The following PCDHA12 variants were observed in gnomAD, a reference collection of about 807,000 sequenced individuals.
PCDHA12 encodes protocadherin alpha-12.
PCDHA12 carries 44 observed loss-of-function variants against 60.0 expected under a neutral mutation model. That is an observed-to-expected ratio of 0.73 (90% CI 0.58 to 0.94). The LOEUF (loss-of-function observed/expected upper bound fraction) is 0.94. PCDHA12 is among the 40% of genes least tolerant of loss of function. PCDHA12 has a pLI of 0.00. For missense variants in PCDHA12, 1,276 were observed against 1,239.7 expected (o/e 1.03, Z -0.44); for synonymous variants, 569 against 553.0 (o/e 1.03, Z -0.40).
chr5:140,964,930 G>A (rs1480159584), intron 1 of PCDHA12, among the ~76,000 whole-genome samples: 12 of 152,306 alleles, frequency 7.9e-5, no homozygotes, highest in Middle Eastern at 3.4e-3. Flanking sequence ...CTAGGTAGTG[G>A]AGCATTGATA....
At chr5:140,915,266 C>T (rs1554196835) in intron 1 of PCDHA12, among the ~76,000 whole-genome samples, 1 of 151,940 alleles carries the variant, frequency 6.6e-6, no homozygotes, top group Non-Finnish European at 1.5e-5. Context: ...TTATTTTTGA[C>T]CAGTTCATCA....
chr5:140,944,097 A>G lies in PCDHA12; in HGVS notation c.2368-34852A>G, dbSNP rs2093609741. On this transcript the variant is annotated intron_variant, in intron 1 of 3. Coordinates refer to ENST00000398631, the MANE Select transcript of PCDHA12 (RefSeq NM_018903.4). ...ATAAAGGAGGCCTGAGTAAGTTTAT[A>G]TCTCATGGGAAAATGGTACCAGAGA... is the stretch of plus-strand genomic sequence containing the variant. Among the ~76,000 whole-genome samples, 3 of 152,244 alleles carry G rather than the reference A, an allele frequency of 2.0e-5. No individual in the cohort carries two copies. In the South Asian group the frequency reaches 6.2e-4, roughly 31 times the overall value.
At position 140,943,102 on chromosome 5, in the gene PCDHA12, A is replaced by G. The variant is rs142380810; in HGVS notation, c.2368-35847A>G. 2.6e-3 allele frequency among the ~76,000 whole-genome samples: 391 copies of G among 151,972 alleles called. 4 individuals are homozygous for G. In the East Asian group the frequency reaches 0.045, roughly 17 times the overall value. ...TGAAATCCTGCCTCTACTAAAAAAT[A>G]CAAAAATTAGCCAGGTGTGGTAGTG... On this transcript the variant is annotated intron_variant, in intron 1 of 3. Transcript: ENST00000398631.
chr5:140,967,828 C>T (rs2096188201), intron 1 of PCDHA12: 2 of 1,614,028 alleles, frequency 1.2e-6, no homozygotes, highest in Non-Finnish European at 1.7e-6. Flanking sequence ...TGCTGGTGGA[C>T]ATCGTGGACG....
In PCDHA12 at chr5:140,946,774, T is replaced by G. The variant is rs57013515; in HGVS notation, c.2368-32175T>G. On this transcript the variant is annotated intron_variant, in intron 1 of 3. Coordinates refer to ENST00000398631, the MANE Select transcript of PCDHA12 (RefSeq NM_018903.4). ...TGCATGATCTCATTCATGTGGAATGTAAAAAAGCTGATCTTATAGAAGCAG... is the reference window on the plus strand; with the variant it reads ...TGCATGATCTCATTCATGTGGAATGGAAAAAAGCTGATCTTATAGAAGCAG... Among the ~76,000 whole-genome samples, 481 of 151,404 alleles carry G rather than the reference T, an allele frequency of 3.2e-3. 2 individuals are homozygous for G. Among genetic ancestry groups the G allele is most frequent in the African/African-American group, 0.011 (462 of 41,264 alleles).
chr5:140,897,999 G>A (rs1411789620), intron 1 of PCDHA12, among the ~76,000 whole-genome samples: 3 of 152,142 alleles, frequency 2.0e-5, no homozygotes, highest in East Asian at 1.9e-4. Context: ...TTTGAGAAGT[G>A]TCTGTTCATA....
At chr5:140,977,591 A>T (rs1267599253) in intron 1 of PCDHA12, among the ~76,000 whole-genome samples, 2 of 152,164 alleles carry the variant, frequency 1.3e-5, no homozygotes, top group African/African-American at 4.8e-5. Context: ...AGCAGTTAGC[A>T]TGTGAGGACC....
Position 140,875,828 on chromosome 5 carries a change from T to C in PCDHA12, c.356T>C (p.Val119Ala). The C allele has an allele frequency of 6.2e-7, 1 of 1,614,196 alleles. No homozygotes were observed. The highest frequency in any genetic ancestry group is 1.3e-5 in the African/African-American group (1 of 75,046). The change falls in exon 1 of 4, where the codon GTG (valine) becomes GCG (alanine). Residue 119 changes from valine to alanine, a missense_variant. Transcript: ENST00000398631. ...GACAGGCCGCTGCAGGTTTTCCATGTGGACGTGGAGGTGAAGGACATTAAC... is the reference window on the plus strand; with the variant it reads ...GACAGGCCGCTGCAGGTTTTCCATGCGGACGTGGAGGTGAAGGACATTAAC... ...IVDRPLQVFH[V>A]DVEVKDINDN... is the part of the protein sequence containing the mutation.
chr5:141,006,296 C>G (rs2153987135), intron 3 of PCDHA12, among the ~76,000 whole-genome samples: 1 of 152,102 alleles, frequency 6.6e-6, no homozygotes, highest in East Asian at 1.9e-4. Context: ...ACTGCAAGCT[C>G]CACTTCCCGG....
intron 1 of PCDHA12, chr5:140,969,555 C>A: frequency 1.6e-6 from 2 of 1,213,380 alleles, no homozygotes; most frequent in Non-Finnish European, 2.2e-6. Flanking sequence ...GAAGCCTTGT[C>A]CATAAAATTG....
intron 1 of PCDHA12, among the ~76,000 whole-genome samples, chr5:140,941,202 C>CCTTTCTTCCTTTCTTTCTTTCTTTCTTT (rs1394736170): frequency 6.0e-4 from 74 of 122,806 alleles, no homozygotes; most frequent in Middle Eastern, 4.2e-3. Flanking sequence ...TTTCTTTCTT[C>CCTTTCTTCCTTTCTTTCTTTCTTTCTTT]CTTTCTTTCT....
chr5:140,981,465 T>C (rs1226815704), intron 2 of PCDHA12, among the ~76,000 whole-genome samples: 2 of 152,116 alleles, frequency 1.3e-5, no homozygotes, highest in Non-Finnish European at 1.5e-5. Context: ...TCCCAGCTAC[T>C]TGGGAGGCTG....
chr5:140,968,709 T>C lies in PCDHA12; in HGVS notation c.2368-10240T>C, dbSNP rs2153773320. ...GGAGAAATTAGGACTACCAGGAAGA[T>C]GGGAGATGAGAGTGGTAGCACTTTC... On this transcript the variant is annotated intron_variant, in intron 1 of 3. Coordinates refer to ENST00000398631, the MANE Select transcript of PCDHA12 (RefSeq NM_018903.4). The C allele has an allele frequency of 1.9e-6, 3 of 1,614,030 alleles. No homozygotes were observed. In the East Asian group the frequency reaches 6.7e-5, roughly 36 times the overall value.
At chr5:140,884,471 G>A (rs2060197778) in intron 1 of PCDHA12, 1 of 1,613,802 alleles carries the variant, frequency 6.2e-7, no homozygotes, top group Non-Finnish European at 8.5e-7. Flanking sequence ...GTGCGCGCCG[G>A]GCAAGCCCAC....
intron 1 of PCDHA12, among the ~76,000 whole-genome samples, chr5:140,896,536 C>CT (rs34213614): frequency 0.32 from 46,252 of 145,528 alleles, 7,425 homozygotes; most frequent in East Asian, 0.53. Flanking sequence ...AGCTATTTTT[C>CT]TTTTTTTTTT....
In PCDHA12 at chr5:140,900,825, C is replaced by T. The variant is rs568337253; in HGVS notation, c.2367+22986C>T. On this transcript the variant is annotated intron_variant, in intron 1 of 3. Coordinates refer to ENST00000398631, the MANE Select transcript of PCDHA12 (RefSeq NM_018903.4). Reference sequence around the variant, plus strand: ...TGCTTGTACTAATTTACATTCCCACCAACAATGTACAAAGTTTCCCTTTTT... The same window carrying T: ...TGCTTGTACTAATTTACATTCCCACTAACAATGTACAAAGTTTCCCTTTTT... Among the ~76,000 whole-genome samples, 8 of 152,276 alleles carry T rather than the reference C, an allele frequency of 5.3e-5. No homozygotes were observed. The South Asian group carries it at 1.7e-3, about 32-fold the overall frequency.
intron 1 of PCDHA12, among the ~76,000 whole-genome samples, chr5:140,902,686 A>G (rs1038713623): frequency 2.0e-5 from 3 of 152,090 alleles, no homozygotes; most frequent in Non-Finnish European, 4.4e-5. Context: ...CGTACCTAAT[A>G]TGTGTAGTCT....
chr5:140,911,405 C>T (rs565928237), intron 1 of PCDHA12, among the ~76,000 whole-genome samples: 45 of 152,276 alleles, frequency 3.0e-4, no homozygotes, highest in South Asian at 1.5e-3. Flanking sequence ...AGGTCAGCCA[C>T]TGGTATGATA....
At chr5:140,883,615 C>T (rs1554178913) in intron 1 of PCDHA12, 6 of 1,613,938 alleles carry the variant, frequency 3.7e-6, no homozygotes, top group African/African-American at 1.3e-5. Context: ...CCGACGTGAA[C>T]GACAACGCGC....
Sources: gnomAD v4.1 joint callset for allele counts (sites outside exome capture counted in the v4.1 genomes callset) on GRCh38, gnomAD v4.1.1 for gene constraint, MANE v1.5 for transcripts, NCBI Gene and HGNC (gene_info 2026-07-23, HGNC 2026-07-21) for gene names.